Variants in SECISBP2 observed in about 807,000 individuals in gnomAD.
SECISBP2 encodes the protein SECIS binding protein 2.
Under a neutral mutation model 98.2 loss-of-function variants are expected in SECISBP2, and 96 were observed. The ratio of observed to expected loss-of-function variants is 0.98; its 90% CI spans 0.83 to 1.16. The LOEUF (loss-of-function observed/expected upper bound fraction) is 1.16, where lower values mean the gene tolerates loss of function less well. SECISBP2 is among the 50% of genes most tolerant of loss of function. The pLI is 0.00. For missense variants in SECISBP2, 1,046 were observed against 1,022.9 expected (o/e 1.02, Z -0.31); for synonymous variants, 407 against 370.2 (o/e 1.10, Z -1.14).
At position 89,350,670 on chromosome 9, in the gene SECISBP2, G is replaced by T. The variant is rs763883455; in HGVS notation, c.1931G>T (p.Cys644Phe). The change falls in exon 14 of 17, where the codon TGT (cysteine) becomes TTT (phenylalanine). Residue 644 changes from cysteine (C) to phenylalanine (F), a missense_variant. Coordinates refer to ENST00000375807, the MANE Select transcript of SECISBP2 (RefSeq NM_024077.5). ...ATGCTTAGTAAAGAAGTGGATGCTT[G>T]TGTTACCGACCTACTCAAAGAACTG... ...SQMLSKEVDACVTDLLKELVR... is the reference protein window; with the variant it reads ...SQMLSKEVDAFVTDLLKELVR... The T allele has an allele frequency of 6.2e-7, 1 of 1,614,168 alleles. No homozygotes were observed. Among genetic ancestry groups the T allele is most frequent in the East Asian group, 2.2e-5 (1 of 44,880 alleles).
chr9:89,320,558 C>T (rs1196642982), intron 2 of SECISBP2, among the ~76,000 whole-genome samples: 1 of 152,090 alleles, frequency 6.6e-6, no homozygotes, highest in Non-Finnish European at 1.5e-5. Flanking sequence ...ATAGCTGCCT[C>T]TGTGTGGATA....
At chr9:89,331,485 C>T (rs1827742418) in intron 5 of SECISBP2, among the ~76,000 whole-genome samples, 1 of 152,134 alleles carries the variant, frequency 6.6e-6, no homozygotes. Flanking sequence ...TATTTTAAAT[C>T]CATTATCTAC....
chr9:89,320,663 C>G (rs1466033141), intron 2 of SECISBP2, among the ~76,000 whole-genome samples: 2 of 152,172 alleles, frequency 1.3e-5, no homozygotes, highest in Non-Finnish European at 2.9e-5. Flanking sequence ...TTAAGTTCTT[C>G]TAAATTTGAG....
chr9:89,331,417 G>A (rs567585016), intron 5 of SECISBP2, among the ~76,000 whole-genome samples: 29 of 152,108 alleles, frequency 1.9e-4, no homozygotes, highest in Non-Finnish European at 3.8e-4. Flanking sequence ...TTTATTCCTG[G>A]ACTCATGTTA....
chr9:89,352,720 T>C (rs1218014444), intron 14 of SECISBP2, among the ~76,000 whole-genome samples: 1 of 152,204 alleles, frequency 6.6e-6, no homozygotes, highest in East Asian at 1.9e-4. Context: ...TTTATCTCTT[T>C]CTTTTGGTTT....
downstream of SECISBP2, chr9:89,361,186 G>A (rs1056147162): frequency 6.6e-6 from 1 of 152,504 alleles, no homozygotes; most frequent in East Asian, 1.9e-4. Flanking sequence ...TTGGGGTGCG[G>A]AGGGGGAACG....
intron 2 of SECISBP2, 131 bp from the exon 3 acceptor site, chr9:89,325,296 T>TC (rs1349510831): frequency 1.2e-6 from 1 of 804,692 alleles, no homozygotes; most frequent in East Asian, 2.6e-5. Context: ...GGCTTTTAAT[T>TC]AGGGATTATT....
chr9:89,362,151 G>C (rs1832808164), downstream of SECISBP2: 10 of 599,392 alleles, frequency 1.7e-5, no homozygotes, highest in South Asian at 1.0e-4. Context: ...GTGCCAGACA[G>C]AACTTACTGT....
At chr9:89,363,900 T>G, downstream of SECISBP2, 5 of 1,614,008 alleles carry the variant, frequency 3.1e-6, no homozygotes, top group Non-Finnish European at 4.2e-6. Flanking sequence ...GGGACACAGG[T>G]CTCCAGAGCT....
At chr9:89,338,166 C>T (rs1829076179) in intron 7 of SECISBP2, among the ~76,000 whole-genome samples, 1 of 152,170 alleles carries the variant, frequency 6.6e-6, no homozygotes, top group Non-Finnish European at 1.5e-5. Context: ...AGGCTGGGAT[C>T]AGGAAGGTCA....
chr9:89,363,163 C>G (rs1832977791), downstream of SECISBP2, among the ~76,000 whole-genome samples: 1 of 152,202 alleles, frequency 6.6e-6, no homozygotes, highest in Non-Finnish European at 1.5e-5. Flanking sequence ...CTAGACAGCC[C>G]CACCTGTGAG....
intron 5 of SECISBP2, 100 bp downstream of exon 5, chr9:89,328,986 C>T (rs1827258972): frequency 2.0e-6 from 2 of 990,738 alleles, no homozygotes; most frequent in Non-Finnish European, 3.1e-6. Flanking sequence ...CTTTGATGTC[C>T]ATGGAGCTGG....
rs1268777001 is a variant in SECISBP2, at chr9:89,319,722, A to G, written c.107A>G (p.Glu36Gly). 1 of 1,614,168 alleles carries G rather than the reference A, an allele frequency of 6.2e-7. No homozygotes were observed. Among genetic ancestry groups the G allele is most frequent in the South Asian group, 1.1e-5 (1 of 91,086 alleles). ...RFAGLNVAWL[E>G]SSEACVFPSS... ...GCCGGGCTCAATGTGGCATGGTTAG[A>G]GTCCTCAGAAGCATGTGTCTTCCCC... The change falls in exon 2 of 17, where the codon GAG (glutamate) becomes GGG (glycine). Residue 36 changes from glutamate (E) to glycine (G), a missense_variant. By Grantham distance (98) the Glu-to-Gly change is moderately conservative. Transcript: ENST00000375807.
chr9:89,360,206 T>A (rs1832658213), downstream of SECISBP2, among the ~76,000 whole-genome samples: 1 of 152,072 alleles, frequency 6.6e-6, no homozygotes, highest in African/African-American at 2.4e-5. Flanking sequence ...CCATCAGTAG[T>A]CCCAAGCAGC....
chr9:89,319,439 CTT>C (rs2131501161), intron 1 of SECISBP2, among the ~76,000 whole-genome samples: 1 of 151,916 alleles, frequency 6.6e-6, no homozygotes, highest in African/African-American at 2.4e-5. Flanking sequence ...TCATTTTTCA[CTT>C]TTAATGTTTG....
rs772981211 is a variant in SECISBP2, at chr9:89,358,704, C to T, written c.2462-17C>T. On this transcript the variant is annotated splice_polypyrimidine_tract_variant and intron_variant, in intron 16 of 16. Coordinates refer to ENST00000375807, the MANE Select transcript of SECISBP2 (RefSeq NM_024077.5). ...TGTTGATGCCTATTCCTCACTCGTG[C>T]TGTTTTCTCATTTTAGTTGAAATCT... 5 of 1,541,876 alleles carry T rather than the reference C, an allele frequency of 3.2e-6. No individual in the cohort carries two copies. Among genetic ancestry groups the T allele is most frequent in the Non-Finnish European group, 4.5e-6 (5 of 1,114,456 alleles).
At position 89,339,927 on chromosome 9, in the gene SECISBP2, A is replaced by C; in HGVS notation, c.1276A>C (p.Lys426Gln). The change falls in exon 9 of 17, where the codon AAA becomes CAA. Residue 426 changes from lysine (K) to glutamine (Q), a missense_variant. Lys to Gln is a moderately conservative substitution (Grantham distance 53). Coordinates refer to ENST00000375807, the MANE Select transcript of SECISBP2 (RefSeq NM_024077.5). Reference protein sequence around the residue: ...SERRDRIETPKFQSKQQPQDN... With the variant: ...SERRDRIETPQFQSKQQPQDN... ...AAGAAGAGACAGAATAGAGACACCG[A>C]AATTTCAATCTAAGCAGCAGCCACA... 1 of 1,613,596 alleles carries C rather than the reference A, an allele frequency of 6.2e-7. No individual in the cohort carries two copies. Among genetic ancestry groups the C allele is most frequent in the Non-Finnish European group, 8.5e-7 (1 of 1,179,624 alleles).
intron 14 of SECISBP2, chr9:89,355,353 G>C (rs758283159): frequency 1.5e-4 from 152 of 985,306 alleles, no homozygotes; most frequent in Non-Finnish European, 1.7e-4. Context: ...TTCCTCCAGA[G>C]ACCACTGTGT....
chr9:89,355,523 C>CT, intron 14 of SECISBP2: 1 of 974,348 alleles, frequency 1.0e-6, no homozygotes, highest in Non-Finnish European at 1.2e-6. Flanking sequence ...TGATTTGTAC[C>CT]TTTTTTATAA....
Sources: gnomAD v4.1 joint callset for allele counts (sites outside exome capture counted in the v4.1 genomes callset) on GRCh38, gnomAD v4.1.1 for gene constraint, MANE v1.5 for transcripts, NCBI Gene and HGNC (gene_info 2026-07-23, HGNC 2026-07-21) for gene names.